Variants in TP63 observed in about 807,000 individuals in gnomAD.
TP63 encodes the protein tumor protein p63.
A neutral mutation model predicts 82.8 loss-of-function variants in TP63; 17 were observed. The observed-to-expected ratio is 0.21, with a 90% confidence interval of 0.14 to 0.31. The LOEUF is 0.31. Ranked by LOEUF, TP63 falls within the 10% of genes least tolerant of loss-of-function variation. The pLI, the probability that TP63 is intolerant of heterozygous loss-of-function variation, is 1.00. For synonymous variants in TP63, 330 were observed against 321.7 expected (o/e 1.03, Z -0.28); for missense variants, 648 against 895.3 (o/e 0.72, Z 3.52).
At chr3:189,775,337 A>G (rs969824663) in intron 3 of TP63, among the ~76,000 whole-genome samples, 10 of 152,126 alleles carry the variant, frequency 6.6e-5, no homozygotes, top group African/African-American at 1.9e-4. Flanking sequence ...TACATCTTCA[A>G]ACTCATTCTG....
chr3:189,844,725 G>A (rs1297278961), intron 4 of TP63, among the ~76,000 whole-genome samples: 2 of 152,164 alleles, frequency 1.3e-5, no homozygotes, highest in African/African-American at 2.4e-5. Context: ...GTGATAATCA[G>A]TGTCTTTGAA....
chr3:189,675,449 G>A (rs1715305416), intron 1 of TP63, among the ~76,000 whole-genome samples: 1 of 152,034 alleles, frequency 6.6e-6, no homozygotes. Context: ...AATTTAGATT[G>A]CATTTAGAAT....
chr3:189,805,639 C>T (rs977885116), intron 3 of TP63, among the ~76,000 whole-genome samples: 10 of 152,266 alleles, frequency 6.6e-5, no homozygotes, highest in African/African-American at 1.9e-4. Context: ...TGCCGAGGCC[C>T]GCTCACCAGG....
At chr3:189,875,008 T>A (rs1481021374) in intron 10 of TP63, among the ~76,000 whole-genome samples, 2 of 143,888 alleles carry the variant, frequency 1.4e-5, no homozygotes, top group African/African-American at 2.6e-5. Flanking sequence ...TTTCAGTTAA[T>A]AAGAAAAGGT....
chr3:189,645,364 TG>T, intron 1 of TP63: 1 of 527,766 alleles, frequency 1.9e-6, no homozygotes, highest in South Asian at 2.9e-5. Flanking sequence ...AGAACTGTAC[TG>T]GGTATTCCAG....
the TP63 span, among the ~76,000 whole-genome samples, chr3:189,622,874 A>G: frequency 6.6e-6 from 1 of 152,208 alleles, no homozygotes; most frequent in African/African-American, 2.4e-5. Context: ...AGATGTTGCA[A>G]TGAGATACTG....
chr3:189,767,211 T>A, intron 3 of TP63, among the ~76,000 whole-genome samples: 1 of 152,162 alleles, frequency 6.6e-6, no homozygotes, highest in East Asian at 1.9e-4. Flanking sequence ...TCTTAGGCAA[T>A]CACAGATGTC....
At chr3:189,709,844 G>A (rs1718466280) in intron 1 of TP63, among the ~76,000 whole-genome samples, 4 of 152,092 alleles carry the variant, frequency 2.6e-5, no homozygotes, top group African/African-American at 2.4e-5. Context: ...GTTTTCCTTT[G>A]AAGGTGGGTC....
chr3:189,773,163 A>C (rs1348075603), intron 3 of TP63, among the ~76,000 whole-genome samples: 2 of 152,224 alleles, frequency 1.3e-5, no homozygotes, highest in Admixed American at 6.5e-5. Flanking sequence ...TTTTGTATGC[A>C]CTTTCTCCTA....
the TP63 span, among the ~76,000 whole-genome samples, chr3:189,605,166 TA>T: frequency 6.6e-6 from 1 of 152,104 alleles, no homozygotes; most frequent in South Asian, 2.1e-4. Context: ...ACAAATACAA[TA>T]AAAAACAAAA....
At chr3:189,831,570 G>A (rs905140423) in intron 4 of TP63, among the ~76,000 whole-genome samples, 1 of 151,090 alleles carries the variant, frequency 6.6e-6, no homozygotes, top group African/African-American at 2.4e-5. Flanking sequence ...CCAGTCTTTA[G>A]GCTACTAGAT....
At chr3:189,800,481 A>AG (rs796082786) in intron 3 of TP63, among the ~76,000 whole-genome samples, 83 of 151,616 alleles carry the variant, frequency 5.5e-4, no homozygotes, top group African/African-American at 2.0e-3. Flanking sequence ...TGAGTAAAAA[A>AG]AAAAAAAAGA....
intron 11 of TP63, among the ~76,000 whole-genome samples, chr3:189,887,466 T>C (rs1353921987): frequency 6.6e-6 from 1 of 152,130 alleles, no homozygotes; most frequent in Non-Finnish European, 1.5e-5. Context: ...ACATTCCTCA[T>C]ATCAGCTAAG....
At chr3:189,855,916 C>T (rs766648048) in intron 4 of TP63, among the ~76,000 whole-genome samples, 4 of 151,920 alleles carry the variant, frequency 2.6e-5, no homozygotes, top group Admixed American at 6.6e-5. Context: ...TTTTCTGTAA[C>T]GGCTTCTCAT....
the TP63 span, among the ~76,000 whole-genome samples, chr3:189,623,002 A>C: frequency 6.6e-6 from 1 of 152,208 alleles, no homozygotes; most frequent in Non-Finnish European, 1.5e-5. Context: ...TTTAACTTTC[A>C]GTATGGCTAA....
intron 3 of TP63, among the ~76,000 whole-genome samples, chr3:189,751,765 T>G (rs751998948): frequency 3.1e-4 from 47 of 152,220 alleles, no homozygotes; most frequent in Non-Finnish European, 1.6e-4. Context: ...TCCCATTCTG[T>G]AGGTTGCCTG....
At chr3:189,851,938 G>A (rs1181311744) in intron 4 of TP63, among the ~76,000 whole-genome samples, 3 of 152,134 alleles carry the variant, frequency 2.0e-5, no homozygotes, top group South Asian at 2.1e-4. Context: ...TGAGGAGGAC[G>A]TGAAGGGTTA....
At chr3:189,715,074 C>G (rs1050396903) in intron 1 of TP63, among the ~76,000 whole-genome samples, 39 of 152,120 alleles carry the variant, frequency 2.6e-4, no homozygotes, top group Middle Eastern at 3.2e-3. Flanking sequence ...AGATGTGGCC[C>G]TAAAATTACC....
At position 189,836,337 on chromosome 3, in the gene TP63, G is replaced by C. The variant is rs142152805; in HGVS notation, c.579+27811G>C. Among the ~76,000 whole-genome samples the C allele has an allele frequency of 1.1e-4, 17 of 152,216 alleles. No individual in the cohort carries two copies. The East Asian group carries it at 3.3e-3, about 29-fold the overall frequency. ...AGGTTTACAAACATGATCAGCACTTGTTAATGACAATTTTCTCCTAAGAAA... is the reference window on the plus strand; with the variant it reads ...AGGTTTACAAACATGATCAGCACTTCTTAATGACAATTTTCTCCTAAGAAA... On this transcript the variant is annotated intron_variant, in intron 4 of 13. Transcript: ENST00000264731.
Sources: allele counts gnomAD v4.1 joint callset (sites outside exome capture counted in the v4.1 genomes callset), GRCh38; gene constraint gnomAD v4.1.1; transcripts MANE v1.5; gene names NCBI Gene and HGNC (gene_info 2026-07-23, HGNC 2026-07-21).